PPFIA2: variants seen among roughly 807,000 people sequenced by gnomAD.
The protein encoded by PPFIA2 is PPFI scaffold protein A2, also known as liprin-alpha-2.
PPFIA2 carries 46 observed loss-of-function variants against 175.5 expected under a neutral mutation model. The observed-to-expected ratio is 0.26, with a 90% CI of 0.21 to 0.34. The LOEUF (loss-of-function observed/expected upper bound fraction) is 0.34, where lower values mean the gene tolerates loss of function less well. Ranked by LOEUF, PPFIA2 falls within the 10% of genes least tolerant of loss-of-function variation. The probability of loss-of-function intolerance (pLI) is 1.00; values close to 1 mark genes in which losing one functional copy is unlikely to be tolerated. For missense variants in PPFIA2, 1,179 were observed against 1,506.1 expected (o/e 0.78, Z 3.60); for synonymous variants, 568 against 511.4 (o/e 1.11, Z -1.49).
At chr12:81,704,440 A>G (rs1481974652) in intron 3 of PPFIA2, among the ~76,000 whole-genome samples, 2 of 152,146 alleles carry the variant, frequency 1.3e-5, no homozygotes, top group Non-Finnish European at 2.9e-5. Flanking sequence ...AACACACAAA[A>G]CAACTTGAAA....
chr12:81,268,848 A>G (rs1022830770), intron 28 of PPFIA2, among the ~76,000 whole-genome samples: 1 of 152,226 alleles, frequency 6.6e-6, no homozygotes, highest in Admixed American at 6.5e-5. Flanking sequence ...ATTGGCATAT[A>G]GACTAGAAGA....
intron 4 of PPFIA2, among the ~76,000 whole-genome samples, chr12:81,467,625 C>A (rs2055924315): frequency 6.6e-6 from 1 of 152,154 alleles, no homozygotes; most frequent in Non-Finnish European, 1.5e-5. Context: ...TCAGTGTGTC[C>A]TTTATCTTCT....
chr12:81,622,630 CT>C (rs1355756482), intron 4 of PPFIA2, among the ~76,000 whole-genome samples: 1 of 151,982 alleles, frequency 6.6e-6, no homozygotes, highest in East Asian at 1.9e-4. Flanking sequence ...ATGAACATAG[CT>C]TTAAAACTAC....
At chr12:81,520,954 G>A (rs1431625635) in intron 4 of PPFIA2, among the ~76,000 whole-genome samples, 1 of 152,056 alleles carries the variant, frequency 6.6e-6, no homozygotes, top group South Asian at 2.1e-4. Flanking sequence ...GATTTTTTTA[G>A]GGGGGGTGAG....
At chr12:81,456,190 T>C (rs1257691522) in intron 5 of PPFIA2, among the ~76,000 whole-genome samples, 1 of 152,168 alleles carries the variant, frequency 6.6e-6, no homozygotes, top group Non-Finnish European at 1.5e-5. Context: ...AAATAAATTT[T>C]AAATTTGCAC....
intron 4 of PPFIA2, among the ~76,000 whole-genome samples, chr12:81,503,901 A>G (rs2060855418): frequency 6.6e-6 from 1 of 152,104 alleles, no homozygotes; most frequent in African/African-American, 2.4e-5. Flanking sequence ...TTGTTACTGT[A>G]GCATTTAAAA....
At chr12:81,422,804 G>A (rs1428279617) in intron 7 of PPFIA2, among the ~76,000 whole-genome samples, 2 of 152,038 alleles carry the variant, frequency 1.3e-5, no homozygotes, top group Non-Finnish European at 2.9e-5. Flanking sequence ...CCACTCATTA[G>A]GCTCTACCTC....
chr12:81,353,243 C>T lies in PPFIA2; in HGVS notation c.1870G>A (p.Asp624Asn). The T allele has an allele frequency of 6.2e-7, 1 of 1,613,708 alleles. No homozygotes were observed. The highest frequency in any genetic ancestry group is 8.5e-7 in the Non-Finnish European group (1 of 1,179,730). The change falls in exon 17 of 33, where the codon GAT (aspartate) becomes AAT (asparagine). Residue 624 changes from aspartate to asparagine, a missense_variant. By Grantham distance (23) the Asp-to-Asn change is conservative (BLOSUM62 1). Coordinates refer to ENST00000549396, the MANE Select transcript of PPFIA2 (RefSeq NM_003625.5). Reference sequence around the variant, plus strand: ...AAAATTGTTTCTCTGTCATCATCATCAATATCAGACATTTCAGTGTCACTT... The same window carrying T: ...AAAATTGTTTCTCTGTCATCATCATTAATATCAGACATTTCAGTGTCACTT... Reference protein sequence around the residue: ...FESDTEMSDIDDDDRETIFSS... With the variant: ...FESDTEMSDINDDDRETIFSS...
rs146777461 is a variant in PPFIA2 at position 81,418,060 on chromosome 12, A to G, written c.646-12157T>C. Among the ~76,000 whole-genome samples, 1,165 of 152,032 alleles carry G rather than the reference A, an allele frequency of 7.7e-3. 14 individuals are homozygous for G. Among genetic ancestry groups the G allele is most frequent in the African/African-American group, 0.026 (1,100 of 41,534 alleles). On this transcript the variant is annotated intron_variant, in intron 7 of 32. Coordinates refer to ENST00000549396, the MANE Select transcript of PPFIA2 (RefSeq NM_003625.5). ...TTGTTTGAATGTATTAATTAATTTA[A>G]AACTCACAACATCATTATAAGTTAT...
intron 7 of PPFIA2, among the ~76,000 whole-genome samples, chr12:81,410,797 G>A (rs1186098499): frequency 6.6e-6 from 1 of 151,980 alleles, no homozygotes; most frequent in Admixed American, 6.6e-5. Flanking sequence ...CTGAGCTATG[G>A]GAAACGATTC....
intron 3 of PPFIA2, among the ~76,000 whole-genome samples, chr12:81,730,116 G>C (rs2080666634): frequency 6.6e-6 from 1 of 151,576 alleles, no homozygotes; most frequent in Non-Finnish European, 1.5e-5. Flanking sequence ...GTGATCACGT[G>C]TTACAGCAGC....
intron 4 of PPFIA2, among the ~76,000 whole-genome samples, chr12:81,478,559 T>A (rs1778268606): frequency 1.3e-5 from 2 of 152,232 alleles, no homozygotes; most frequent in Non-Finnish European, 2.9e-5. Context: ...CATTTAATGC[T>A]ATAAATTTCC....
intron 15 of PPFIA2, among the ~76,000 whole-genome samples, chr12:81,359,717 G>T (rs2061350754): frequency 6.6e-6 from 1 of 151,634 alleles, no homozygotes; most frequent in Non-Finnish European, 1.5e-5. Context: ...GTCCCTTTAG[G>T]CATCAGGGTG....
chr12:81,721,573 G>A (rs146175500), intron 3 of PPFIA2, among the ~76,000 whole-genome samples: 1 of 151,242 alleles, frequency 6.6e-6, no homozygotes, highest in East Asian at 2.0e-4. Flanking sequence ...AAAAGAATTG[G>A]GGGTCTCACA....
chr12:81,744,385 T>G (rs2153657711), intron 3 of PPFIA2, among the ~76,000 whole-genome samples: 1 of 152,020 alleles, frequency 6.6e-6, no homozygotes, highest in South Asian at 2.1e-4. Context: ...TTACTAAAAC[T>G]TAGAGGTAGT....
chr12:81,728,070 G>A (rs1386887752), intron 3 of PPFIA2, among the ~76,000 whole-genome samples: 1 of 151,424 alleles, frequency 6.6e-6, no homozygotes, highest in Non-Finnish European at 1.5e-5. Flanking sequence ...TGATGAATGT[G>A]TAAATGAATA....
intron 4 of PPFIA2, among the ~76,000 whole-genome samples, chr12:81,643,910 T>C (rs2065697645): frequency 6.6e-6 from 1 of 152,034 alleles, no homozygotes; most frequent in African/African-American, 2.4e-5. Flanking sequence ...TTTCCAGTTC[T>C]GAGCTTCCCA....
chr12:81,338,046 C>T (rs377384835), intron 21 of PPFIA2, among the ~76,000 whole-genome samples: 40 of 152,078 alleles, frequency 2.6e-4, no homozygotes, highest in Admixed American at 2.2e-3. Context: ...GCTTCCGATG[C>T]TTTCTGTGGG....
intron 4 of PPFIA2, among the ~76,000 whole-genome samples, chr12:81,481,945 T>C (rs948189048): frequency 6.6e-6 from 1 of 151,656 alleles, no homozygotes; most frequent in Non-Finnish European, 1.5e-5. Context: ...ATCATCAGAG[T>C]GAAAAGGAAA....
Sources: gnomAD v4.1 joint callset for allele counts (sites outside exome capture counted in the v4.1 genomes callset) on GRCh38, gnomAD v4.1.1 for gene constraint, MANE v1.5 for transcripts, NCBI Gene and HGNC (gene_info 2026-07-23, HGNC 2026-07-21) for gene names.